The following ZFAND4 variants were observed in gnomAD, a reference collection of about 807,000 sequenced individuals.
ZFAND4 encodes the protein AN1-type zinc finger protein 4.
A neutral mutation model predicts 64.4 loss-of-function variants in ZFAND4; 43 were observed. The ratio of observed to expected loss-of-function variants is 0.67; its 90% confidence interval spans 0.52 to 0.86. ZFAND4 has a LOEUF of 0.86. ZFAND4 is among the 40% of genes least tolerant of loss of function. The pLI is 0.00. For missense variants in ZFAND4, 929 were observed against 859.8 expected (o/e 1.08, Z -1.01); for synonymous variants, 296 against 305.7 (o/e 0.97, Z 0.33).
At chr10:45,639,611 G>A in intron 6 of ZFAND4, 2 of 369,728 alleles carry the variant, frequency 5.4e-6, no homozygotes, top group Non-Finnish European at 4.7e-6. Flanking sequence ...TTAAAATGAT[G>A]TTAAGTGCAG....
At chr10:45,661,157 C>T in intron 2 of ZFAND4, among the ~76,000 whole-genome samples, 1 of 152,058 alleles carries the variant, frequency 6.6e-6, no homozygotes, top group East Asian at 1.9e-4. Flanking sequence ...AGCACTTCAC[C>T]TTTAACTCAT....
chr10:45,654,487 C>T (rs1321633783), intron 2 of ZFAND4, among the ~76,000 whole-genome samples: 1 of 151,900 alleles, frequency 6.6e-6, no homozygotes, highest in Non-Finnish European at 1.5e-5. Flanking sequence ...GGCATAGTGG[C>T]AGGCGCCTGT....
intron 5 of ZFAND4, 25 bp downstream of exon 5, chr10:45,648,269 A>T (rs2047527258): frequency 6.4e-7 from 1 of 1,561,080 alleles, no homozygotes; most frequent in South Asian, 1.2e-5. Flanking sequence ...TGACAACACA[A>T]GGTAAACAAA....
rs745671989 is a variant in ZFAND4, at chr10:45,626,821, G to A, written c.1002C>T (p.Asn334=). Residue 334 remains asparagine, a synonymous_variant, in exon 7 of 10, where the codon AAC becomes AAT. Transcript: ENST00000344646. ...ENNTLSHFSS[N]VKLPPQIPHL... ...GGGGTATCTGAGGAGGTAGTTTGAC[G>A]TTGCTACTGAAGTGAGACAGTGTGT... The A allele has an allele frequency of 1.5e-5, 25 of 1,614,078 alleles. No individual in the cohort carries two copies. Among genetic ancestry groups the A allele is most frequent in the East Asian group, 2.2e-5 (1 of 44,896 alleles).
chr10:45,649,512 A>G (rs2047620192), intron 4 of ZFAND4, among the ~76,000 whole-genome samples: 1 of 152,242 alleles, frequency 6.6e-6, no homozygotes. Context: ...CCCTTTAAAA[A>G]GAAGTTGCAG....
At chr10:45,668,614 C>T (rs1437257006) in intron 1 of ZFAND4, among the ~76,000 whole-genome samples, 1 of 152,192 alleles carries the variant, frequency 6.6e-6, no homozygotes, top group Admixed American at 6.6e-5. Context: ...AGCACCACAT[C>T]GCACTTATTC....
chr10:45,661,205 A>C (rs2048450479), intron 2 of ZFAND4, among the ~76,000 whole-genome samples: 2 of 152,164 alleles, frequency 1.3e-5, no homozygotes. Context: ...AAATACTATT[A>C]TTCTTCCTAT....
At chr10:45,657,278 C>T (rs2048190252) in intron 2 of ZFAND4, among the ~76,000 whole-genome samples, 1 of 151,998 alleles carries the variant, frequency 6.6e-6, no homozygotes, top group African/African-American at 2.4e-5. Context: ...AGCCTCTCAA[C>T]CTGAACTTAT....
intron 2 of ZFAND4, among the ~76,000 whole-genome samples, chr10:45,661,139 C>CT (rs907331390): frequency 1.3e-5 from 2 of 152,194 alleles, no homozygotes; most frequent in African/African-American, 4.8e-5. Context: ...AGGAGGATCA[C>CT]TCTGCTAAGC....
At chr10:45,632,656 A>G (rs887040280) in intron 6 of ZFAND4, among the ~76,000 whole-genome samples, 2 of 152,172 alleles carry the variant, frequency 1.3e-5, no homozygotes, top group African/African-American at 4.8e-5. Flanking sequence ...AACAAAATGC[A>G]AAAGCCTTCT....
At chr10:45,659,551 G>C (rs2048337403) in intron 2 of ZFAND4, among the ~76,000 whole-genome samples, 1 of 151,898 alleles carries the variant, frequency 6.6e-6, no homozygotes, top group African/African-American at 2.4e-5. Context: ...TACCTGATAT[G>C]TTATGTCTGG....
chr10:45,641,433 T>C (rs781564974), intron 5 of ZFAND4, among the ~76,000 whole-genome samples: 14 of 152,232 alleles, frequency 9.2e-5, no homozygotes, highest in Non-Finnish European at 1.6e-4. Flanking sequence ...TAATGGGGTA[T>C]ATTCCTTAAT....
At chr10:45,651,442 CCATT>C (rs913107509) in intron 4 of ZFAND4, 1 of 399,142 alleles carries the variant, frequency 2.5e-6, no homozygotes, top group African/African-American at 2.1e-5. Context: ...ATTGCACTGA[CCATT>C]CAGTAGACGC....
intron 8 of ZFAND4, among the ~76,000 whole-genome samples, chr10:45,623,832 G>T (rs2133547917): frequency 6.6e-6 from 1 of 152,212 alleles, no homozygotes; most frequent in East Asian, 1.9e-4. Flanking sequence ...AATAGATTAT[G>T]ATTTTATAAC....
At chr10:45,651,802 C>T (rs1271839167) in intron 4 of ZFAND4, among the ~76,000 whole-genome samples, 164 bp downstream of exon 4, 1 of 152,160 alleles carries the variant, frequency 6.6e-6, no homozygotes, top group Non-Finnish European at 1.5e-5. Context: ...GAGTTCCAGC[C>T]TCTAGGCATT....
chr10:45,632,702 A>T (rs1263235318), intron 6 of ZFAND4, among the ~76,000 whole-genome samples: 1 of 152,196 alleles, frequency 6.6e-6, no homozygotes, highest in Non-Finnish European at 1.5e-5. Context: ...ACATTCATAT[A>T]TACAGATACA....
chr10:45,668,324 G>A (rs1168958483), intron 1 of ZFAND4, among the ~76,000 whole-genome samples: 1 of 152,212 alleles, frequency 6.6e-6, no homozygotes, highest in Non-Finnish European at 1.5e-5. Context: ...TTACAGACAA[G>A]CAAATGCTGA....
At chr10:45,625,028 T>C (rs2045696592) in intron 7 of ZFAND4, among the ~76,000 whole-genome samples, 1 of 151,254 alleles carries the variant, frequency 6.6e-6, no homozygotes, top group Non-Finnish European at 1.5e-5. Context: ...AATATAAAAG[T>C]TAGCCAGGCA....
At chr10:45,652,785 A>G (rs2047843553) in intron 3 of ZFAND4, among the ~76,000 whole-genome samples, 199 bp downstream of exon 3, 1 of 152,206 alleles carries the variant, frequency 6.6e-6, no homozygotes, top group Non-Finnish European at 1.5e-5. Flanking sequence ...GGGAAAATAA[A>G]TGTATCAGAG....
Sources: gnomAD v4.1 joint callset for allele counts (sites outside exome capture counted in the v4.1 genomes callset) on GRCh38, gnomAD v4.1.1 for gene constraint, MANE v1.5 for transcripts, NCBI Gene and HGNC (gene_info 2026-07-23, HGNC 2026-07-21) for gene names.